IL1RAPL2: variants seen among roughly 807,000 people sequenced by gnomAD.
IL1RAPL2 encodes X-linked interleukin-1 receptor accessory protein-like 2.
IL1RAPL2 carries 3 observed loss-of-function variants against 44.1 expected under a neutral mutation model. That is an observed-to-expected ratio of 0.07 (90% CI 0.03 to 0.18). The LOEUF is 0.18. IL1RAPL2 is among the 10% of genes least tolerant of loss of function. The pLI is 1.00. For synonymous variants in IL1RAPL2, 181 were observed against 178.8 expected, an observed-to-expected ratio of 1.01 and a Z score of -0.10; for missense variants, 391 against 496.4, an observed-to-expected ratio of 0.79 and a Z score of 2.02.
chrX:105,117,826 C>A (rs185760191), intron 2 of IL1RAPL2, among the ~76,000 whole-genome samples: 1 of 111,634 alleles, frequency 9.0e-6, no homozygotes, highest in East Asian at 2.8e-4. Context: ...TCCATAGCAG[C>A]ATGAGAACAG....
At chrX:105,515,166 T>A (rs1373041799) in intron 6 of IL1RAPL2, among the ~76,000 whole-genome samples, 1 of 111,695 alleles carries the variant, frequency 9.0e-6, no homozygotes, top group Non-Finnish European at 1.9e-5. Flanking sequence ...TGTTCACTGA[T>A]CACAACATCT....
intron 2 of IL1RAPL2, among the ~76,000 whole-genome samples, chrX:105,082,301 T>C (rs2032420348): frequency 1.8e-5 from 2 of 112,090 alleles, no homozygotes; most frequent in African/African-American, 6.5e-5. Flanking sequence ...AGTTTGTATT[T>C]CTGTGGGATT....
At chrX:105,204,708 G>A (rs782472595) in intron 3 of IL1RAPL2, among the ~76,000 whole-genome samples, 1 of 111,585 alleles carries the variant, frequency 9.0e-6, no homozygotes, top group Non-Finnish European at 1.9e-5. Context: ...GGTCTCTGGA[G>A]CTGGACTGCT....
At chrX:104,646,894 G>A (rs1301706270) in intron 1 of IL1RAPL2, among the ~76,000 whole-genome samples, 1 of 111,720 alleles carries the variant, frequency 9.0e-6, no homozygotes, top group Admixed American at 9.5e-5. Context: ...GTGACCGAAG[G>A]CAAAGAGGTG....
chrX:105,686,018 C>A (rs1228704218), intron 6 of IL1RAPL2, among the ~76,000 whole-genome samples: 1 of 111,396 alleles, frequency 9.0e-6, no homozygotes, highest in Non-Finnish European at 1.9e-5. Context: ...GATTTTGTCA[C>A]CACCAGGCCT....
chrX:105,402,663 C>T (rs1425161451), intron 5 of IL1RAPL2, among the ~76,000 whole-genome samples: 2 of 111,247 alleles, frequency 1.8e-5, no homozygotes, highest in Non-Finnish European at 3.8e-5. Flanking sequence ...GTACAGATTC[C>T]AGTTCTGAAC....
chrX:104,690,779 G>C (rs777550808), intron 2 of IL1RAPL2, among the ~76,000 whole-genome samples: 1 of 111,944 alleles, frequency 8.9e-6, no homozygotes, highest in Non-Finnish European at 1.9e-5. Context: ...TTTTCATTTA[G>C]ATAAGAAACT....
At chrX:105,271,060 T>C (rs763366081) in intron 5 of IL1RAPL2, among the ~76,000 whole-genome samples, 2 of 112,185 alleles carry the variant, frequency 1.8e-5, no homozygotes, top group Non-Finnish European at 3.8e-5. Context: ...TTTAAGAAGG[T>C]CAAATATAAA....
chrX:104,975,409 C>A (rs1247812784), intron 2 of IL1RAPL2, among the ~76,000 whole-genome samples: 1 of 112,093 alleles, frequency 8.9e-6, no homozygotes, highest in Non-Finnish European at 1.9e-5. Context: ...TATTTGATGA[C>A]ATGCTAAACA....
intron 6 of IL1RAPL2, among the ~76,000 whole-genome samples, chrX:105,686,040 G>A (rs1392844349): frequency 9.0e-6 from 1 of 111,297 alleles, no homozygotes; most frequent in African/African-American, 3.3e-5. Flanking sequence ...CCTTACAAGA[G>A]CTTCTGAAGG....
intron 5 of IL1RAPL2, among the ~76,000 whole-genome samples, chrX:105,396,471 T>C (rs1440385203): frequency 9.8e-6 from 1 of 102,388 alleles, no homozygotes; most frequent in African/African-American, 3.5e-5. Flanking sequence ...TGGTAATAGC[T>C]ACTGTCTGAA....
In IL1RAPL2 at chrX:105,280,088, C is replaced by G. The variant is rs777985216; in HGVS notation, c.697+12547C>G. ...ACTGGTGCCAAAACAGATATATAGA[C>G]CAATGGAACAGAACGGTGGCCTCAG... On this transcript the variant is annotated intron_variant, in intron 5 of 10. Coordinates refer to ENST00000372582, the MANE Select transcript of IL1RAPL2 (RefSeq NM_017416.2). Among the ~76,000 whole-genome samples the G allele has an allele frequency of 9.0e-5, 10 of 111,633 alleles. No homozygotes were observed. In the South Asian group the frequency reaches 3.8e-3, roughly 42 times the overall value.
intron 6 of IL1RAPL2, among the ~76,000 whole-genome samples, chrX:105,664,813 T>A (rs1292940680): frequency 8.9e-6 from 1 of 111,785 alleles, no homozygotes; most frequent in East Asian, 2.8e-4. Flanking sequence ...TCTGGAAGGA[T>A]CACACCATTA....
At chrX:104,633,984 G>T (rs1180921837) in intron 1 of IL1RAPL2, among the ~76,000 whole-genome samples, 28 of 110,691 alleles carry the variant, frequency 2.5e-4, no homozygotes, top group African/African-American at 8.9e-4. Context: ...GGCATTTAGT[G>T]CTATAAATTT....
At chrX:105,095,124 T>G (rs781205746) in intron 2 of IL1RAPL2, among the ~76,000 whole-genome samples, 13 of 111,820 alleles carry the variant, frequency 1.2e-4, no homozygotes, top group Non-Finnish European at 2.4e-4. Context: ...GTTTTACTTC[T>G]TTTTTTCCAA....
intron 2 of IL1RAPL2, among the ~76,000 whole-genome samples, chrX:104,922,746 A>G (rs1460034351): frequency 9.0e-6 from 1 of 111,644 alleles, no homozygotes; most frequent in Non-Finnish European, 1.9e-5. Context: ...CTCCAGCAAC[A>G]TGAAAAAACA....
chrX:105,715,517 C>T (rs1415502704), intron 6 of IL1RAPL2, among the ~76,000 whole-genome samples: 1 of 111,493 alleles, frequency 9.0e-6, no homozygotes, highest in Non-Finnish European at 1.9e-5. Flanking sequence ...AAATAATTTA[C>T]ATGCTTAGCC....
intron 6 of IL1RAPL2, among the ~76,000 whole-genome samples, chrX:105,495,540 G>T (rs1403267091): frequency 3.6e-5 from 4 of 111,829 alleles, no homozygotes; most frequent in Non-Finnish European, 7.5e-5. Context: ...CTGAGGGCCT[G>T]TATCAATTTC....
chrX:105,379,516 A>G (rs766626677), intron 5 of IL1RAPL2, among the ~76,000 whole-genome samples: 55 of 111,954 alleles, frequency 4.9e-4, no homozygotes, highest in Non-Finnish European at 8.7e-4. Flanking sequence ...GCTAATAGCA[A>G]CTATCCCTTA....
Sources: allele counts gnomAD v4.1 joint callset (sites outside exome capture counted in the v4.1 genomes callset), GRCh38; gene constraint gnomAD v4.1.1; transcripts MANE v1.5; gene names NCBI Gene and HGNC (gene_info 2026-07-23, HGNC 2026-07-21).